The following CDH12 variants were observed in gnomAD, a reference collection of about 807,000 sequenced individuals.
CDH12 encodes the protein cadherin 12.
CDH12 carries 41 observed loss-of-function variants against 74.1 expected under a neutral mutation model. That is an observed-to-expected ratio of 0.55 (90% confidence interval 0.43 to 0.72). The LOEUF is 0.72. CDH12 is among the 30% of genes least tolerant of loss of function. The pLI is 0.00. For synonymous variants in CDH12, 399 were observed against 355.0 expected, an observed-to-expected ratio of 1.12 and a Z score of -1.39; for missense variants, 945 against 977.2, an observed-to-expected ratio of 0.97 and a Z score of 0.44.
At chr5:22,078,350 T>C (rs1742476638) in intron 5 of CDH12, 96 bp downstream of exon 5, 6 of 1,034,088 alleles carry the variant, frequency 5.8e-6, no homozygotes, top group Admixed American at 4.1e-5. Flanking sequence ...TTCTAGTCAC[T>C]GGTTTGTTCA....
At chr5:22,018,060 C>T (rs976827854) in intron 5 of CDH12, among the ~76,000 whole-genome samples, 2 of 151,876 alleles carry the variant, frequency 1.3e-5, no homozygotes, top group African/African-American at 4.8e-5. Flanking sequence ...TGTCCGGCTG[C>T]CTTCCTTTTA....
Position 22,853,080 on chromosome 5 carries a change from C to A in CDH12, c.-545G>T, listed in dbSNP as rs1314212624. The A allele has an allele frequency of 6.6e-6, 1 of 152,326 alleles. No individual in the cohort carries two copies. Among genetic ancestry groups the A allele is most frequent in the Non-Finnish European group, 1.5e-5 (1 of 68,178 alleles). The allele number at this position is 152,326 out of a possible 1,614,324, so 9.4% of individuals were successfully genotyped here. On this transcript the variant is annotated 5_prime_UTR_variant, in exon 1 of 15. Coordinates refer to ENST00000382254, the MANE Select transcript of CDH12 (RefSeq NM_004061.5). The stretch of plus-strand genomic sequence containing the variant: ...TACCTGATGGCAGAAAAGGCAGCTG[C>A]AGGAGCAGCAGCACCGACGGCCGCA...
chr5:21,983,277 T>G (rs1450153403), intron 5 of CDH12, among the ~76,000 whole-genome samples: 1 of 152,094 alleles, frequency 6.6e-6, no homozygotes, highest in Non-Finnish European at 1.5e-5. Context: ...TTTCTCTTCA[T>G]ACATTTTAAG....
At chr5:22,850,752 CAG>C (rs990482970) in intron 1 of CDH12, among the ~76,000 whole-genome samples, 1 of 152,080 alleles carries the variant, frequency 6.6e-6, no homozygotes, top group Non-Finnish European at 1.5e-5. Context: ...AAATTTACAA[CAG>C]AGTCTGCTAG....
chr5:22,256,642 C>G (rs1022986178), intron 3 of CDH12, among the ~76,000 whole-genome samples: 1 of 152,062 alleles, frequency 6.6e-6, no homozygotes, highest in African/African-American at 2.4e-5. Flanking sequence ...GATGCCAGCT[C>G]CATGACTATT....
chr5:22,552,498 G>A (rs1421782773), intron 1 of CDH12, among the ~76,000 whole-genome samples: 1 of 150,520 alleles, frequency 6.6e-6, no homozygotes, highest in Non-Finnish European at 1.5e-5. Context: ...GCATGATCTT[G>A]GCTCACAGCA....
chr5:21,815,211 T>C (rs1747976254), intron 9 of CDH12, among the ~76,000 whole-genome samples: 4 of 152,288 alleles, frequency 2.6e-5, no homozygotes, highest in African/African-American at 9.6e-5. Context: ...GACTGATTAA[T>C]GGAACTAAAT....
chr5:22,347,281 G>C (rs1030650213), intron 3 of CDH12, among the ~76,000 whole-genome samples: 3 of 152,194 alleles, frequency 2.0e-5, no homozygotes, highest in Admixed American at 1.3e-4. Flanking sequence ...CTAATCAGCT[G>C]ACAGTGTGGC....
intron 3 of CDH12, among the ~76,000 whole-genome samples, chr5:22,294,117 G>GA (rs973269598): frequency 1.5e-4 from 22 of 150,834 alleles, no homozygotes; most frequent in African/African-American, 3.9e-4. Flanking sequence ...TAGAAAAACA[G>GA]AAAAAAAACT....
intron 1 of CDH12, among the ~76,000 whole-genome samples, chr5:22,750,420 C>A (rs1461072615): frequency 2.6e-5 from 4 of 152,022 alleles, no homozygotes; most frequent in African/African-American, 9.7e-5. Flanking sequence ...TAGGTAAGAA[C>A]AACGGGCAAA....
chr5:22,102,330 T>C (rs1744182310), intron 4 of CDH12, among the ~76,000 whole-genome samples: 1 of 152,084 alleles, frequency 6.6e-6, no homozygotes, highest in African/African-American at 2.4e-5. Context: ...TTTGAAAAAG[T>C]AGTGCGATGG....
At chr5:22,479,790 C>A (rs1746312393) in intron 2 of CDH12, among the ~76,000 whole-genome samples, 1 of 152,028 alleles carries the variant, frequency 6.6e-6, no homozygotes, top group African/African-American at 2.4e-5. Flanking sequence ...ATTTGTTTGC[C>A]TTTTAATTTC....
intron 3 of CDH12, among the ~76,000 whole-genome samples, chr5:22,340,071 T>G (rs1739777295): frequency 6.6e-6 from 1 of 152,202 alleles, no homozygotes; most frequent in South Asian, 2.1e-4. Context: ...ATCTGGATAA[T>G]TTTTATGCTT....
intron 1 of CDH12, among the ~76,000 whole-genome samples, chr5:22,715,792 T>G (rs1231977425): frequency 7.4e-5 from 9 of 122,132 alleles, no homozygotes; most frequent in Non-Finnish European, 1.5e-4. Flanking sequence ...CAGAGTGAGA[T>G]CCCATCTAAA....
chr5:22,740,353 T>C (rs1260858898), intron 1 of CDH12, among the ~76,000 whole-genome samples: 1 of 151,990 alleles, frequency 6.6e-6, no homozygotes, highest in East Asian at 1.9e-4. Context: ...GATCGAGAAA[T>C]TGTTCTTTTA....
In CDH12 at chr5:22,152,694, G is replaced by T. The variant is rs527812860; in HGVS notation, c.-187+59804C>A. Among the ~76,000 whole-genome samples, 5 of 152,224 alleles carry T rather than the reference G, an allele frequency of 3.3e-5. No individual in the cohort carries two copies. The East Asian group carries it at 5.8e-4, about 18-fold the overall frequency. ...ATATATTACTAACTATAGTCACCAT[G>T]TTGTAAAACGGATCTCTTGAAGTAT... On this transcript the variant is annotated intron_variant, in intron 4 of 14. Coordinates refer to ENST00000382254, the MANE Select transcript of CDH12 (RefSeq NM_004061.5).
At chr5:21,927,137 C>T (rs985436271) in intron 6 of CDH12, among the ~76,000 whole-genome samples, 3 of 152,074 alleles carry the variant, frequency 2.0e-5, no homozygotes, top group African/African-American at 7.2e-5. Context: ...AGTAGAGAGG[C>T]AGAGTTAGCC....
chr5:22,255,724 AC>A (rs916081940), intron 3 of CDH12, among the ~76,000 whole-genome samples: 1 of 151,920 alleles, frequency 6.6e-6, no homozygotes, highest in Non-Finnish European at 1.5e-5. Context: ...ATATAATGAA[AC>A]TACATGCAAT....
chr5:22,250,933 A>C (rs915058032), intron 3 of CDH12, among the ~76,000 whole-genome samples: 2 of 152,230 alleles, frequency 1.3e-5, no homozygotes, highest in Admixed American at 1.3e-4. Flanking sequence ...TGACCTATAA[A>C]GATAAATGTT....
Sources: allele counts gnomAD v4.1 joint callset (sites outside exome capture counted in the v4.1 genomes callset), GRCh38; gene constraint gnomAD v4.1.1; transcripts MANE v1.5; gene names NCBI Gene and HGNC (gene_info 2026-07-23, HGNC 2026-07-21).